The following ARFGEF1 variants were observed in gnomAD, a reference collection of about 807,000 sequenced individuals.
ARFGEF1 encodes brefeldin A-inhibited guanine nucleotide-exchange protein 1.
A neutral mutation model predicts 231.0 loss-of-function variants in ARFGEF1; 42 were observed. That is an observed-to-expected ratio of 0.18 (90% confidence interval 0.14 to 0.24). The LOEUF is 0.24. Ranked by LOEUF, ARFGEF1 falls within the 10% of genes least tolerant of loss-of-function variation. ARFGEF1 has a pLI of 1.00. For synonymous variants in ARFGEF1, 710 were observed against 732.3 expected, an observed-to-expected ratio of 0.97 and a Z score of 0.49; for missense variants, 1,345 against 2,192.0, an observed-to-expected ratio of 0.61 and a Z score of 7.72.
At chr8:67,340,927 T>C (rs1472680918) in intron 1 of ARFGEF1, among the ~76,000 whole-genome samples, 1 of 152,202 alleles carries the variant, frequency 6.6e-6, no homozygotes, top group Non-Finnish European at 1.5e-5. Flanking sequence ...TAGAGCGCTA[T>C]AGGCCCTCTA....
At chr8:67,226,552 AAAT>A (rs1839379241) in intron 27 of ARFGEF1, among the ~76,000 whole-genome samples, 1 of 152,264 alleles carries the variant, frequency 6.6e-6, no homozygotes, top group South Asian at 2.1e-4. Context: ...GCACTACGTA[AAAT>A]AATATAAGTG....
chr8:67,299,317 T>G lies in ARFGEF1; in HGVS notation c.351A>C (p.Pro117=). 1 of 1,608,878 alleles carries G rather than the reference T, an allele frequency of 6.2e-7. No individual in the cohort carries two copies. The highest frequency in any genetic ancestry group is 8.5e-7 in the Non-Finnish European group (1 of 1,178,654). Residue 117 remains proline (P), a synonymous_variant, in exon 4 of 39, where the codon CCA becomes CCC. Coordinates refer to ENST00000262215, the MANE Select transcript of ARFGEF1 (RefSeq NM_006421.5). The part of the protein sequence containing the change: ...IAYGHLTGNA[P]DSTTPGKKLI... ...ATTTTTTGCCTGGTGTTGTACTATC[T>G]GGAGCATTGCCAGTCAAGTGCCCAT...
intron 1 of ARFGEF1, among the ~76,000 whole-genome samples, chr8:67,342,586 A>T (rs1808691206): frequency 1.3e-5 from 2 of 151,800 alleles, no homozygotes; most frequent in Admixed American, 1.3e-4. Flanking sequence ...AGTCAGATAC[A>T]ATATTACTCT....
At chr8:67,304,416 C>T (rs1191649825) in intron 1 of ARFGEF1, among the ~76,000 whole-genome samples, 2 of 152,174 alleles carry the variant, frequency 1.3e-5, no homozygotes, top group Non-Finnish European at 2.9e-5. Flanking sequence ...TTATCTGCAG[C>T]TATTTAAAAT....
rs773445938 is a variant in ARFGEF1, at chr8:67,296,614, T to G, written c.460-4A>C. On this transcript the variant is annotated splice_region_variant and splice_polypyrimidine_tract_variant and intron_variant, in intron 4 of 38. Transcript: ENST00000262215. ...ATGTTACTGCAGTAAGTAAAGCCTT[T>G]AAGAAAAAAAAAGGAAAAAGTTAAA... The G allele has an allele frequency of 4.5e-6, 7 of 1,564,430 alleles. No individual in the cohort carries two copies. The highest frequency in any genetic ancestry group is 5.2e-6 in the Non-Finnish European group (6 of 1,160,284).
At chr8:67,227,895 G>T in intron 25 of ARFGEF1, 68 bp downstream of exon 25, 1 of 1,294,396 alleles carries the variant, frequency 7.7e-7, no homozygotes, top group Admixed American at 2.9e-5. Context: ...GGCTCAATTT[G>T]ATTACAAGGA....
intron 1 of ARFGEF1, among the ~76,000 whole-genome samples, chr8:67,342,228 C>G (rs755094801): frequency 1.3e-5 from 2 of 152,162 alleles, no homozygotes; most frequent in African/African-American, 2.4e-5. Flanking sequence ...CAAACGATTT[C>G]AACTTTGATG....
chr8:67,271,164 T>G (rs1271418951), intron 10 of ARFGEF1, among the ~76,000 whole-genome samples: 1 of 151,764 alleles, frequency 6.6e-6, no homozygotes, highest in Admixed American at 6.6e-5. Flanking sequence ...ACATGATTGC[T>G]ATTCTATTTC....
rs569010820 is a variant in ARFGEF1 at position 67,237,983 on chromosome 8, G to C, written c.3289+360C>G. 5.3e-5 allele frequency among the ~76,000 whole-genome samples: 8 copies of C among 152,314 alleles called. No individual in the cohort carries two copies. In the South Asian group the frequency reaches 1.7e-3, roughly 32 times the overall value. ...TTCATACTGGCAGAAAGGCTGGTTA[G>C]GCCTGCTCATTGCTTTAACAATTAA... On this transcript the variant is annotated intron_variant, in intron 22 of 38. Coordinates refer to ENST00000262215, the MANE Select transcript of ARFGEF1 (RefSeq NM_006421.5).
chr8:67,185,439 A>G (rs1272729093), intron 5 of ARFGEF1, among the ~76,000 whole-genome samples: 1 of 152,260 alleles, frequency 6.6e-6, no homozygotes, highest in Non-Finnish European at 1.5e-5. Context: ...ATTGAAGCAG[A>G]GGCAATGAAT....
chr8:67,217,703 T>C (rs1036502717), intron 32 of ARFGEF1, 79 bp downstream of exon 32: 21 of 1,445,482 alleles, frequency 1.5e-5, no homozygotes, highest in Non-Finnish European at 1.8e-5. Context: ...GTAGTCACTA[T>C]CAAACTTTTA....
chr8:67,176,500 G>A (rs1831674061), intron 5 of ARFGEF1, among the ~76,000 whole-genome samples: 1 of 152,140 alleles, frequency 6.6e-6, no homozygotes, highest in South Asian at 2.1e-4. Context: ...ATAGCCCTGT[G>A]ACAGAATAAG....
intron 1 of ARFGEF1, among the ~76,000 whole-genome samples, chr8:67,336,166 AC>A (rs1232352023): frequency 6.6e-6 from 1 of 152,206 alleles, no homozygotes; most frequent in Non-Finnish European, 1.5e-5. Context: ...AGAACACAAA[AC>A]TTTTTAAATA....
At chr8:67,304,988 G>T (rs578017724) in intron 1 of ARFGEF1, among the ~76,000 whole-genome samples, 1 of 152,300 alleles carries the variant, frequency 6.6e-6, no homozygotes, top group East Asian at 1.9e-4. Flanking sequence ...CAAGGCAGGG[G>T]AAGAAGAGGA....
chr8:67,307,402 G>A (rs1806798683), intron 1 of ARFGEF1, among the ~76,000 whole-genome samples: 1 of 152,220 alleles, frequency 6.6e-6, no homozygotes, highest in African/African-American at 2.4e-5. Context: ...AACTGTGTGT[G>A]TGCAAGCACT....
intron 1 of ARFGEF1, among the ~76,000 whole-genome samples, chr8:67,321,651 G>A (rs1027209032): frequency 2.6e-5 from 4 of 151,512 alleles, no homozygotes; most frequent in African/African-American, 4.9e-5. Context: ...TAATAGAGAC[G>A]GGGTTTCACC....
rs192551311 is a variant in ARFGEF1 at position 67,211,340 on chromosome 8, C to T, written c.4819+143G>A. The T allele has an allele frequency of 3.3e-3, 1,794 of 543,988 alleles. 8 individuals carry two copies. Among genetic ancestry groups the T allele is most frequent in the Non-Finnish European group, 4.0e-3 (1,484 of 366,908 alleles). 33.7% of individuals were successfully genotyped at this position (543,988 alleles called of 1,614,324 possible). Reference sequence around the variant, plus strand: ...CAGACTGGGCGACAGAGTGAAACTCCGTCTCAAAAAAAAAAAAAAAAAAAA... The same window carrying T: ...CAGACTGGGCGACAGAGTGAAACTCTGTCTCAAAAAAAAAAAAAAAAAAAA... On this transcript the variant is annotated intron_variant, in intron 34 of 38. Transcript: ENST00000262215.
intron 1 of ARFGEF1, among the ~76,000 whole-genome samples, chr8:67,339,802 G>GAGGGGGGC (rs1287799247): frequency 1.2e-5 from 1 of 85,558 alleles, no homozygotes; most frequent in Non-Finnish European, 2.5e-5. Flanking sequence ...GGGCGGGGGG[G>GAGGGGGGC]GGGATTCTTT....
At chr8:67,194,993 AAAAG>A (rs369818710), downstream of ARFGEF1, among the ~76,000 whole-genome samples, 5 of 152,326 alleles carry the variant, frequency 3.3e-5, no homozygotes, top group South Asian at 2.1e-4. Context: ...ATAAAAAGAA[AAAAG>A]AAAGAAATTT....
Sources: gnomAD v4.1 joint callset for allele counts (sites outside exome capture counted in the v4.1 genomes callset) on GRCh38, gnomAD v4.1.1 for gene constraint, MANE v1.5 for transcripts, NCBI Gene and HGNC (gene_info 2026-07-23, HGNC 2026-07-21) for gene names.